The following PRDM10 variants were observed in gnomAD, a reference collection of about 807,000 sequenced individuals.
PRDM10 encodes PR/SET domain 10, also known as PR domain zinc finger protein 10.
PRDM10 carries 65 observed loss-of-function variants against 133.1 expected under a neutral mutation model. The ratio of observed to expected loss-of-function variants is 0.49; its 90% CI spans 0.40 to 0.60. The LOEUF (loss-of-function observed/expected upper bound fraction) is 0.60. PRDM10 is among the 20% of genes least tolerant of loss of function. The pLI, the probability that PRDM10 is intolerant of heterozygous loss-of-function variation, is 0.00. For synonymous variants in PRDM10, 582 were observed against 580.4 expected (o/e 1.00, Z -0.04); for missense variants, 1,137 against 1,507.1 (o/e 0.75, Z 4.07).
chr11:129,941,366 TTAGA>T (rs1951199125), intron 7 of PRDM10, among the ~76,000 whole-genome samples: 1 of 152,216 alleles, frequency 6.6e-6, no homozygotes, highest in South Asian at 2.1e-4. Flanking sequence ...GAATTATTAT[TTAGA>T]TAAATTTCAA....
intron 4 of PRDM10, among the ~76,000 whole-genome samples, chr11:129,953,713 T>C (rs1043668690): frequency 2.0e-5 from 3 of 151,766 alleles, no homozygotes; most frequent in Non-Finnish European, 4.4e-5. Context: ...TTACAAAAAA[T>C]TTGGTTCTTA....
rs1486532075 is a variant in PRDM10, at chr11:129,907,628, C to A, written c.3164-1887G>T. ...TTATGTTGGCCAGGCTGGTCTCGAA[C>A]TCCTGACCTCATGATCCACCTGCCT... On this transcript the variant is annotated intron_variant, in intron 19 of 20. Transcript: ENST00000360871. Among the ~76,000 whole-genome samples the A allele has an allele frequency of 5.9e-5, 9 of 152,008 alleles. 1 individual carries two copies. Among genetic ancestry groups the A allele is most frequent in the Non-Finnish European group, 1.0e-4 (7 of 68,000 alleles).
chr11:129,954,707 C>G (rs74927745), intron 4 of PRDM10, among the ~76,000 whole-genome samples: 1,714 of 152,272 alleles, frequency 0.011, 26 homozygotes, highest in African/African-American at 0.034. Flanking sequence ...GGGCCTTACT[C>G]TGCCACCCAG....
At chr11:129,928,843 C>G (rs10894165) in intron 11 of PRDM10, among the ~76,000 whole-genome samples, 86,856 of 151,988 alleles carry the variant, frequency 0.57, 26,822 homozygotes, top group African/African-American at 0.82. Context: ...TGCACTGTCC[C>G]AACCACAGCA....
chr11:129,954,118 G>C (rs950257468), intron 4 of PRDM10, among the ~76,000 whole-genome samples: 2 of 150,684 alleles, frequency 1.3e-5, no homozygotes, highest in Non-Finnish European at 3.0e-5. Context: ...TACAAAAAAG[G>C]CTCCTAACAA....
chr11:129,916,036 GAATA>G (rs1295848115), intron 15 of PRDM10, among the ~76,000 whole-genome samples, 176 bp from the exon 16 acceptor site: 18 of 152,202 alleles, frequency 1.2e-4, no homozygotes, highest in Non-Finnish European at 2.5e-4. Context: ...CTACAAATTA[GAATA>G]AAATAAGAAC....
chr11:129,986,492 C>A (rs1442766288), intron 1 of PRDM10, among the ~76,000 whole-genome samples: 2 of 152,142 alleles, frequency 1.3e-5, no homozygotes, highest in African/African-American at 4.8e-5. Flanking sequence ...CAGGTTCAAG[C>A]AATTGAACCT....
At chr11:129,997,074 G>A (rs904166901) in intron 1 of PRDM10, among the ~76,000 whole-genome samples, 5 of 152,192 alleles carry the variant, frequency 3.3e-5, no homozygotes, top group Admixed American at 2.6e-4. Flanking sequence ...GCAGTAAAAG[G>A]AAAGGCATCA....
At chr11:129,917,090 C>G in intron 15 of PRDM10, 37 bp downstream of exon 15, 1 of 1,485,458 alleles carries the variant, frequency 6.7e-7, no homozygotes, top group Non-Finnish European at 9.4e-7. Context: ...AAGCAGGGAA[C>G]CCCAGTGGCA....
intron 1 of PRDM10, among the ~76,000 whole-genome samples, chr11:129,976,401 G>A (rs2135958018): frequency 6.6e-6 from 1 of 152,348 alleles, no homozygotes; most frequent in Non-Finnish European, 1.5e-5. Context: ...GGGACGGGAT[G>A]TGAGGACAGC....
At chr11:129,989,108 T>G (rs942873491) in intron 1 of PRDM10, among the ~76,000 whole-genome samples, 1 of 152,174 alleles carries the variant, frequency 6.6e-6, no homozygotes, top group Non-Finnish European at 1.5e-5. Flanking sequence ...CCACACTTCA[T>G]GAACTGGTTG....
intron 13 of PRDM10, among the ~76,000 whole-genome samples, chr11:129,919,132 A>G (rs2135761365): frequency 6.6e-6 from 1 of 152,256 alleles, no homozygotes; most frequent in East Asian, 1.9e-4. Context: ...GCACTTTGGG[A>G]GGCCGACAAG....
chr11:129,963,382 G>GA (rs745688148), intron 1 of PRDM10, among the ~76,000 whole-genome samples: 1 of 74,586 alleles, frequency 1.3e-5, no homozygotes, highest in Non-Finnish European at 2.5e-5. Context: ...AAAGAAAAAA[G>GA]AGAGAAGAGA....
At chr11:129,992,382 C>T (rs1405510597) in intron 1 of PRDM10, among the ~76,000 whole-genome samples, 1 of 152,238 alleles carries the variant, frequency 6.6e-6, no homozygotes, top group Non-Finnish European at 1.5e-5. Flanking sequence ...AATTAACCCT[C>T]ACCACAACCA....
At chr11:129,972,112 C>G (rs1167560966) in intron 1 of PRDM10, among the ~76,000 whole-genome samples, 1 of 152,244 alleles carries the variant, frequency 6.6e-6, no homozygotes, top group Non-Finnish European at 1.5e-5. Flanking sequence ...CTGGCTGCTC[C>G]GAGTGTGGGG....
chr11:129,983,786 TAAG>T (rs72098257), intron 1 of PRDM10, among the ~76,000 whole-genome samples: 6,078 of 152,112 alleles, frequency 0.04, 417 homozygotes, highest in African/African-American at 0.14. Context: ...GACTAAACTA[TAAG>T]AAGAACATAC....
chr11:129,928,260 C>A (rs757754215), intron 11 of PRDM10, among the ~76,000 whole-genome samples: 8 of 152,094 alleles, frequency 5.3e-5, no homozygotes, highest in Admixed American at 1.3e-4. Context: ...GTACATGCCA[C>A]CACGCCTGAC....
chr11:129,907,471 C>G (rs1181116743), intron 19 of PRDM10, among the ~76,000 whole-genome samples: 2 of 152,168 alleles, frequency 1.3e-5, no homozygotes, highest in Admixed American at 6.5e-5. Flanking sequence ...GTGCCGCGAT[C>G]TCGGCTCACC....
At chr11:129,938,465 G>A (rs566641261) in intron 7 of PRDM10, among the ~76,000 whole-genome samples, 1 of 152,254 alleles carries the variant, frequency 6.6e-6, no homozygotes, top group Admixed American at 6.5e-5. Context: ...TCCTCCGCTT[G>A]CTTCTATATG....
Sources: allele counts gnomAD v4.1 joint callset (sites outside exome capture counted in the v4.1 genomes callset), GRCh38; gene constraint gnomAD v4.1.1; transcripts MANE v1.5; gene names NCBI Gene and HGNC (gene_info 2026-07-23, HGNC 2026-07-21).